RAB2A: variants seen among roughly 807,000 people sequenced by gnomAD.
The protein encoded by RAB2A is ras-related protein Rab-2A.
A neutral mutation model predicts 32.5 loss-of-function variants in RAB2A; 7 were observed. That is an observed-to-expected ratio of 0.22 (90% CI 0.12 to 0.40). RAB2A has a LOEUF of 0.40. Among genes scored for constraint, RAB2A ranks in the 10% least tolerant of loss-of-function variants. The probability of loss-of-function intolerance (pLI) is 1.00; values close to 1 mark genes in which losing one functional copy is unlikely to be tolerated. For synonymous variants in RAB2A, 79 were observed against 85.2 expected (o/e 0.93, Z 0.40); for missense variants, 108 against 260.7 (o/e 0.41, Z 4.03).
chr8:60,518,997 G>A (rs1391860062), intron 1 of RAB2A, among the ~76,000 whole-genome samples: 1 of 152,136 alleles, frequency 6.6e-6, no homozygotes, highest in Non-Finnish European at 1.5e-5. Flanking sequence ...ATTGTGCATG[G>A]AGTAGTGGGG....
intron 1 of RAB2A, among the ~76,000 whole-genome samples, chr8:60,537,929 C>G (rs1807582470): frequency 6.6e-6 from 1 of 152,178 alleles, no homozygotes; most frequent in Non-Finnish European, 1.5e-5. Context: ...GTCCTCCCAC[C>G]TCAGCCTCCC....
intron 1 of RAB2A, among the ~76,000 whole-genome samples, chr8:60,547,621 C>T (rs1807757399): frequency 8.1e-6 from 1 of 123,346 alleles, no homozygotes; most frequent in Non-Finnish European, 1.8e-5. Context: ...GCGCCCCTCA[C>T]CTCCCGGACG....
At chr8:60,599,558 C>T (rs752887178) in intron 6 of RAB2A, among the ~76,000 whole-genome samples, 17 of 152,054 alleles carry the variant, frequency 1.1e-4, no homozygotes, top group Admixed American at 3.9e-4. Flanking sequence ...ATCAGGACTG[C>T]GTGATACTGG....
intron 3 of RAB2A, chr8:60,583,965 G>A (rs1249435332): frequency 1.4e-5 from 5 of 348,466 alleles, no homozygotes; most frequent in African/African-American, 1.0e-4. Flanking sequence ...GGGTTTAGAG[G>A]TCTTGCGGGC....
intron 2 of RAB2A, among the ~76,000 whole-genome samples, chr8:60,562,264 G>A (rs1386647285): frequency 6.6e-6 from 1 of 152,174 alleles, no homozygotes; most frequent in African/African-American, 2.4e-5. Flanking sequence ...TCAATATAAT[G>A]CTCCACACCA....
At chr8:60,612,918 T>C (rs1462358977) in intron 6 of RAB2A, among the ~76,000 whole-genome samples, 1 of 152,192 alleles carries the variant, frequency 6.6e-6, no homozygotes, top group Non-Finnish European at 1.5e-5. Context: ...CAGAATTGCC[T>C]TGAAATACAG....
intron 1 of RAB2A, among the ~76,000 whole-genome samples, chr8:60,537,625 C>G (rs1017115156): frequency 6.6e-6 from 1 of 152,196 alleles, no homozygotes; most frequent in African/African-American, 2.4e-5. Context: ...GAGGACCTCT[C>G]TAGTTCCAAC....
intron 1 of RAB2A, among the ~76,000 whole-genome samples, chr8:60,549,000 C>G (rs529412089): frequency 2.0e-5 from 3 of 149,536 alleles, no homozygotes; most frequent in African/African-American, 7.5e-5. Flanking sequence ...ACATCCCGGA[C>G]GGGGCGGCAG....
At chr8:60,582,609 C>T (rs1378864810) in intron 3 of RAB2A, among the ~76,000 whole-genome samples, 1 of 152,212 alleles carries the variant, frequency 6.6e-6, no homozygotes, top group Non-Finnish European at 1.5e-5. Context: ...GCAGCCTCCT[C>T]ACCTGGGCTC....
chr8:60,557,488 C>T (rs1183393483), intron 1 of RAB2A, among the ~76,000 whole-genome samples: 2 of 152,102 alleles, frequency 1.3e-5, no homozygotes, highest in Non-Finnish European at 2.9e-5. Context: ...TGCACTCCAG[C>T]CTGGGTGACA....
intron 1 of RAB2A, among the ~76,000 whole-genome samples, chr8:60,544,959 G>A (rs1807704843): frequency 6.6e-6 from 1 of 152,104 alleles, no homozygotes; most frequent in African/African-American, 2.4e-5. Context: ...TGCCCAGGCT[G>A]GTTTTGAACT....
At chr8:60,600,092 C>T (rs1040021592) in intron 6 of RAB2A, among the ~76,000 whole-genome samples, 1 of 147,278 alleles carries the variant, frequency 6.8e-6, no homozygotes, top group Non-Finnish European at 1.5e-5. Flanking sequence ...AATGCAATTA[C>T]AAAATGGGCA....
chr8:60,594,720 A>G (rs1461774399), intron 6 of RAB2A, among the ~76,000 whole-genome samples: 1 of 152,180 alleles, frequency 6.6e-6, no homozygotes, highest in African/African-American at 2.4e-5. Context: ...CCTATGAGTG[A>G]GAACATGCGG....
intron 1 of RAB2A, among the ~76,000 whole-genome samples, chr8:60,548,981 A>G (rs1807797564): frequency 7.1e-6 from 1 of 140,638 alleles, no homozygotes; most frequent in Non-Finnish European, 1.5e-5. Context: ...CAGGGCAGAG[A>G]CGCTCCTCAC....
chr8:60,519,099 T>G (rs1199294238), intron 1 of RAB2A, among the ~76,000 whole-genome samples: 2 of 152,024 alleles, frequency 1.3e-5, no homozygotes, highest in Non-Finnish European at 1.5e-5. Context: ...AGACACTTCT[T>G]TCTTGTCATT....
chr8:60,537,359 T>C (rs1394667593), intron 1 of RAB2A, among the ~76,000 whole-genome samples: 2 of 152,152 alleles, frequency 1.3e-5, no homozygotes, highest in East Asian at 3.9e-4. Context: ...GTAGCTGGGA[T>C]TAGAGGCATG....
At chr8:60,538,090 G>A (rs985999296) in intron 1 of RAB2A, among the ~76,000 whole-genome samples, 1 of 152,188 alleles carries the variant, frequency 6.6e-6, no homozygotes, top group Non-Finnish European at 1.5e-5. Context: ...AAGGAATAGG[G>A]ATGCCATTTT....
intron 1 of RAB2A, among the ~76,000 whole-genome samples, chr8:60,549,830 T>C (rs1408614657): frequency 6.6e-6 from 1 of 152,150 alleles, no homozygotes; most frequent in Non-Finnish European, 1.5e-5. Context: ...TTTCTAGAAG[T>C]TGTTTTTTGG....
chr8:60,586,139 C>T (rs1011361085), intron 5 of RAB2A, among the ~76,000 whole-genome samples: 1 of 151,930 alleles, frequency 6.6e-6, no homozygotes, highest in Non-Finnish European at 1.5e-5. Flanking sequence ...ATCTCTACAA[C>T]AAATTTTAAA....
Sources: gnomAD v4.1 joint callset for allele counts (sites outside exome capture counted in the v4.1 genomes callset) on GRCh38, gnomAD v4.1.1 for gene constraint, MANE v1.5 for transcripts, NCBI Gene and HGNC (gene_info 2026-07-23, HGNC 2026-07-21) for gene names.